TENM4: variants seen among roughly 807,000 people sequenced by gnomAD.
The protein encoded by TENM4 is teneurin transmembrane protein 4.
In TENM4, 82 loss-of-function variants were observed where a neutral mutation model predicts 243.3. That is an observed-to-expected ratio of 0.34 (90% CI 0.28 to 0.40). TENM4 has a LOEUF of 0.40. Ranked by LOEUF, TENM4 falls within the 10% of genes least tolerant of loss-of-function variation. The pLI, the probability that TENM4 is intolerant of heterozygous loss-of-function variation, is 1.00. For synonymous variants in TENM4, 1,412 were observed against 1,456.3 expected (o/e 0.97, Z 0.69); for missense variants, 3,138 against 3,673.3 (o/e 0.85, Z 3.77).
At chr11:79,131,537 T>A (rs956986373) in intron 4 of TENM4, among the ~76,000 whole-genome samples, 3 of 152,166 alleles carry the variant, frequency 2.0e-5, no homozygotes, top group African/African-American at 7.2e-5. Flanking sequence ...GAGCTCTAAA[T>A]CTTGAAACAA....
chr11:78,926,316 G>A (rs187298875), intron 6 of TENM4, among the ~76,000 whole-genome samples: 27 of 143,156 alleles, frequency 1.9e-4, no homozygotes, highest in African/African-American at 6.5e-4. Context: ...TTTCTCTGTC[G>A]CCCAGGCTGG....
At chr11:78,791,034 T>C (rs1042931967) in intron 15 of TENM4, among the ~76,000 whole-genome samples, 2 of 152,150 alleles carry the variant, frequency 1.3e-5, no homozygotes, top group Non-Finnish European at 2.9e-5. Flanking sequence ...CTTTACAAGC[T>C]GGGTTGTGAG....
chr11:79,131,247 A>G (rs895809461), intron 4 of TENM4, among the ~76,000 whole-genome samples: 6 of 152,154 alleles, frequency 3.9e-5, no homozygotes, highest in Non-Finnish European at 8.8e-5. Context: ...CAAAGTTAAG[A>G]CGAAGGAAAG....
chr11:79,124,893 A>G (rs12787769), intron 4 of TENM4, among the ~76,000 whole-genome samples: 12,588 of 111,176 alleles, frequency 0.11, 760 homozygotes, highest in African/African-American at 0.15. Context: ...GTATATGTAT[A>G]TGTGTGTGTG....
intron 6 of TENM4, among the ~76,000 whole-genome samples, chr11:78,930,413 A>C (rs1384264761): frequency 6.6e-6 from 1 of 152,142 alleles, no homozygotes; most frequent in African/African-American, 2.4e-5. Flanking sequence ...GTAAAAAGGG[A>C]AAGGAACTTG....
At chr11:79,092,627 C>A (rs535120064) in intron 4 of TENM4, among the ~76,000 whole-genome samples, 1 of 152,332 alleles carries the variant, frequency 6.6e-6, no homozygotes, top group South Asian at 2.1e-4. Flanking sequence ...AAAGAGTAGG[C>A]GGCCAGTTCT....
chr11:78,860,983 A>G (rs1037224581), intron 10 of TENM4, among the ~76,000 whole-genome samples: 7 of 152,240 alleles, frequency 4.6e-5, no homozygotes, highest in Admixed American at 3.9e-4. Flanking sequence ...TTTCAGATAG[A>G]TCCGACTCCT....
At chr11:79,234,155 A>G (rs1864422075) in intron 2 of TENM4, among the ~76,000 whole-genome samples, 2 of 152,194 alleles carry the variant, frequency 1.3e-5, no homozygotes, top group African/African-American at 4.8e-5. Context: ...TGTACTGTAA[A>G]TGTTAATTGA....
intron 12 of TENM4, among the ~76,000 whole-genome samples, chr11:78,832,850 T>C (rs1858014367): frequency 6.6e-6 from 1 of 152,256 alleles, no homozygotes; most frequent in African/African-American, 2.4e-5. Flanking sequence ...GAAAGGCTGC[T>C]AAATTGTCGA....
intron 6 of TENM4, among the ~76,000 whole-genome samples, chr11:78,941,296 T>C (rs1158618702): frequency 6.6e-6 from 1 of 152,162 alleles, no homozygotes; most frequent in Non-Finnish European, 1.5e-5. Flanking sequence ...TAAAAGCACT[T>C]AGCACCTTAC....
At chr11:79,007,372 T>TGA (rs59365146) in intron 6 of TENM4, among the ~76,000 whole-genome samples, 21,798 of 151,940 alleles carry the variant, frequency 0.14, 1,926 homozygotes, top group East Asian at 0.33. Context: ...AAACCAGAGC[T>TGA]GAGAGAGAGA....
chr11:78,888,447 G>A (rs1357198109), intron 9 of TENM4, among the ~76,000 whole-genome samples: 1 of 152,206 alleles, frequency 6.6e-6, no homozygotes, highest in Non-Finnish European at 1.5e-5. Context: ...TACAGCTTGA[G>A]ATATTGAAGG....
chr11:78,772,288 C>T (rs904964861), intron 17 of TENM4, among the ~76,000 whole-genome samples: 12 of 152,124 alleles, frequency 7.9e-5, no homozygotes, highest in African/African-American at 2.2e-4. Context: ...TGTTAAATTA[C>T]GTGGTTCACT....
intron 15 of TENM4, among the ~76,000 whole-genome samples, chr11:78,802,748 A>G (rs529086330): frequency 6.6e-6 from 1 of 152,358 alleles, no homozygotes; most frequent in South Asian, 2.1e-4. Context: ...ACATCTTTGT[A>G]TGCTATGGGA....
intron 6 of TENM4, among the ~76,000 whole-genome samples, chr11:79,025,945 C>T (rs139971403): frequency 1.3e-5 from 2 of 152,282 alleles, no homozygotes; most frequent in African/African-American, 4.8e-5. Flanking sequence ...GTTGTGTATG[C>T]ATGTCTACTT....
intron 30 of TENM4, among the ~76,000 whole-genome samples, chr11:78,674,582 A>G (rs910489205): frequency 6.6e-6 from 1 of 152,240 alleles, no homozygotes; most frequent in Non-Finnish European, 1.5e-5. Flanking sequence ...AAGGCTCCAC[A>G]TGGCACAGGC....
At chr11:79,437,753 C>G (rs1453712846) in intron 1 of TENM4, among the ~76,000 whole-genome samples, 3 of 152,182 alleles carry the variant, frequency 2.0e-5, no homozygotes, top group Non-Finnish European at 4.4e-5. Context: ...GTCCCCTCCC[C>G]CTCTGCGGTC....
At chr11:78,700,246 G>C (rs555273483) in intron 28 of TENM4, among the ~76,000 whole-genome samples, 1 of 152,290 alleles carries the variant, frequency 6.6e-6, no homozygotes, top group South Asian at 2.1e-4. Context: ...ATGCAGGGAG[G>C]GCAGCAGGGC....
chr11:79,266,744 C>T (rs907265419), intron 2 of TENM4, among the ~76,000 whole-genome samples: 1 of 152,092 alleles, frequency 6.6e-6, no homozygotes, highest in African/African-American at 2.4e-5. Context: ...TTTTTAGAGG[C>T]ACACTAGTAG....
Sources: gnomAD v4.1 joint callset for allele counts (sites outside exome capture counted in the v4.1 genomes callset) on GRCh38, gnomAD v4.1.1 for gene constraint, MANE v1.5 for transcripts, NCBI Gene and HGNC (gene_info 2026-07-23, HGNC 2026-07-21) for gene names.